The following ZFHX3 variants were observed in gnomAD, a reference collection of about 807,000 sequenced individuals.
ZFHX3 encodes zinc finger homeobox protein 3.
A neutral mutation model predicts 279.1 loss-of-function variants in ZFHX3; 42 were observed. The ratio of observed to expected loss-of-function variants is 0.15; its 90% CI spans 0.12 to 0.19. The LOEUF (loss-of-function observed/expected upper bound fraction) is 0.19. Ranked by LOEUF, ZFHX3 falls within the 10% of genes least tolerant of loss-of-function variation. ZFHX3 has a pLI of 1.00. For synonymous variants in ZFHX3, 2,293 were observed against 1,957.8 expected (o/e 1.17, Z -4.52); for missense variants, 4,981 against 4,754.0 (o/e 1.05, Z -1.40).
intron 1 of ZFHX3, among the ~76,000 whole-genome samples, chr16:73,712,658 T>C (rs1368137677): frequency 6.6e-6 from 1 of 152,196 alleles, no homozygotes; most frequent in African/African-American, 2.4e-5. Flanking sequence ...ACTTGCCCTC[T>C]TTTGTACTGT....
intron 5 of ZFHX3, among the ~76,000 whole-genome samples, 200 bp from the exon 6 acceptor site, chr16:72,812,238 T>C (rs2036478391): frequency 6.6e-6 from 1 of 152,228 alleles, no homozygotes; most frequent in African/African-American, 2.4e-5. Flanking sequence ...CATGAATTTC[T>C]GTCACTACTT....
At chr16:72,880,753 A>C (rs1019156447) in intron 4 of ZFHX3, among the ~76,000 whole-genome samples, 3 of 152,230 alleles carry the variant, frequency 2.0e-5, no homozygotes, top group Admixed American at 2.0e-4. Flanking sequence ...TAAAAGCAAT[A>C]AATGGCTCCT....
intron 3 of ZFHX3, among the ~76,000 whole-genome samples, chr16:73,430,589 C>A (rs192012742): frequency 1.3e-5 from 2 of 152,258 alleles, no homozygotes; most frequent in East Asian, 1.9e-4. Flanking sequence ...AGAGTTATAA[C>A]AGGAGTAGGA....
At chr16:72,938,636 C>A (rs549033767) in intron 3 of ZFHX3, among the ~76,000 whole-genome samples, 3 of 152,306 alleles carry the variant, frequency 2.0e-5, no homozygotes, top group Admixed American at 1.3e-4. Context: ...CAGAGCAAAT[C>A]GGCACGCCCC....
intron 3 of ZFHX3, among the ~76,000 whole-genome samples, chr16:72,895,024 T>C (rs756128647): frequency 6.6e-6 from 1 of 152,210 alleles, no homozygotes; most frequent in Non-Finnish European, 1.5e-5. Flanking sequence ...CTGGGATGCA[T>C]GCCAACCGGG....
chr16:72,824,182 A>G (rs1567534499), intron 5 of ZFHX3, among the ~76,000 whole-genome samples: 2 of 152,294 alleles, frequency 1.3e-5, no homozygotes, highest in African/African-American at 4.8e-5. Flanking sequence ...ATGCAGCAGG[A>G]GCCATACGCT....
At chr16:73,319,435 G>A (rs974300024) in intron 3 of ZFHX3, among the ~76,000 whole-genome samples, 14 of 152,194 alleles carry the variant, frequency 9.2e-5, no homozygotes, top group Admixed American at 2.0e-4. Flanking sequence ...GGTCTAATTC[G>A]GGTCCCACAG....
chr16:72,869,140 A>T (rs1282248444), intron 4 of ZFHX3, among the ~76,000 whole-genome samples: 1 of 152,214 alleles, frequency 6.6e-6, no homozygotes, highest in Admixed American at 6.5e-5. Context: ...AATTTTTAAC[A>T]GTTTTAGTAG....
rs16971367 is a variant in ZFHX3, at chr16:72,886,034, A to G, written c.3448+3697T>C. Among the ~76,000 whole-genome samples, 724 of 152,342 alleles carry G rather than the reference A, an allele frequency of 4.8e-3. 4 individuals are homozygous for G. The highest frequency in any genetic ancestry group is 0.017 in the African/African-American group (687 of 41,572). ...TGAAGTTGATCATCTTAAACATCTC[A>G]ATTCTACCAGGTCCATAATGTCCGT... On this transcript the variant is annotated intron_variant, in intron 4 of 9. Transcript: ENST00000268489.
At chr16:73,569,956 G>A (rs1448115681) in intron 2 of ZFHX3, among the ~76,000 whole-genome samples, 1 of 152,146 alleles carries the variant, frequency 6.6e-6, no homozygotes, top group African/African-American at 2.4e-5. Context: ...GAAGGCAGAG[G>A]GCGTGAAGTC....
intron 1 of ZFHX3, among the ~76,000 whole-genome samples, chr16:73,718,597 GTATT>G (rs1199024250): frequency 6.8e-6 from 1 of 147,358 alleles, no homozygotes; most frequent in African/African-American, 2.5e-5. Context: ...GTTTGTTTAT[GTATT>G]TATTTATTTA....
At chr16:73,812,326 C>T (rs2142338007) in intron 1 of ZFHX3, among the ~76,000 whole-genome samples, 1 of 152,328 alleles carries the variant, frequency 6.6e-6, no homozygotes, top group South Asian at 2.1e-4. Flanking sequence ...TCCTGATATC[C>T]TTCCTCTGTC....
chr16:73,176,666 A>T (rs909325114), intron 5 of ZFHX3, among the ~76,000 whole-genome samples: 1 of 149,922 alleles, frequency 6.7e-6, no homozygotes, highest in African/African-American at 2.5e-5. Flanking sequence ...TTCTCTGGAA[A>T]TCATTTCCCT....
At chr16:73,154,980 C>A (rs1298011232) in intron 5 of ZFHX3, among the ~76,000 whole-genome samples, 3 of 151,926 alleles carry the variant, frequency 2.0e-5, no homozygotes, top group Non-Finnish European at 4.4e-5. Flanking sequence ...TCGAGACCAG[C>A]CTGGCCAACA....
chr16:73,755,489 G>A (rs2053800184), intron 1 of ZFHX3, among the ~76,000 whole-genome samples: 1 of 152,176 alleles, frequency 6.6e-6, no homozygotes, highest in South Asian at 2.1e-4. Context: ...CATTCTCCAT[G>A]CTACATCTTC....
At chr16:72,910,228 A>C (rs142064870) in intron 3 of ZFHX3, among the ~76,000 whole-genome samples, 396 of 152,312 alleles carry the variant, frequency 2.6e-3, no homozygotes, top group Non-Finnish European at 4.9e-3. Context: ...TACTAACAAC[A>C]ACAAAAATGT....
intron 2 of ZFHX3, among the ~76,000 whole-genome samples, chr16:73,631,890 G>C (rs763349588): frequency 7.4e-6 from 1 of 135,962 alleles, no homozygotes; most frequent in Admixed American, 7.5e-5. Context: ...CTGGGTGATA[G>C]AGTGGGATTC....
chr16:73,168,225 T>TTCTTTC (rs1271679083), intron 5 of ZFHX3, among the ~76,000 whole-genome samples: 10 of 134,204 alleles, frequency 7.5e-5, no homozygotes, highest in African/African-American at 2.6e-4. Flanking sequence ...CTTTCTTTCT[T>TTCTTTC]TCTTTCTTTC....
intron 4 of ZFHX3, among the ~76,000 whole-genome samples, chr16:72,866,463 C>A (rs939024982): frequency 2.6e-5 from 4 of 152,140 alleles, no homozygotes; most frequent in African/African-American, 9.7e-5. Context: ...CATGAGCATT[C>A]TTCTGGGGTG....
Sources: gnomAD v4.1 joint callset for allele counts (sites outside exome capture counted in the v4.1 genomes callset) on GRCh38, gnomAD v4.1.1 for gene constraint, MANE v1.5 for transcripts, NCBI Gene and HGNC (gene_info 2026-07-23, HGNC 2026-07-21) for gene names.